The following ARSB variants were observed in gnomAD, a reference collection of about 807,000 sequenced individuals.
ARSB encodes the protein N-acetylgalactosamine-4-sulfatase.
A neutral mutation model predicts 50.9 loss-of-function variants in ARSB; 41 were observed. That is an observed-to-expected ratio of 0.81 (90% CI 0.63 to 1.04). ARSB has a LOEUF of 1.04. ARSB is among the 50% of genes least tolerant of loss of function. ARSB has a pLI of 0.00. For missense variants in ARSB, 672 were observed against 693.3 expected, an observed-to-expected ratio of 0.97 and a Z score of 0.35; for synonymous variants, 269 against 284.8, an observed-to-expected ratio of 0.94 and a Z score of 0.56.
chr5:78,966,829 G>A (rs1348771800), intron 2 of ARSB, among the ~76,000 whole-genome samples: 1 of 151,242 alleles, frequency 6.6e-6, no homozygotes, highest in Non-Finnish European at 1.5e-5. Context: ...TGTACAGGCT[G>A]TTTGCTCCTC....
chr5:78,894,808 T>C (rs1171577011), intron 4 of ARSB, among the ~76,000 whole-genome samples: 24 of 151,772 alleles, frequency 1.6e-4, no homozygotes, highest in Admixed American at 1.6e-3. Flanking sequence ...GCCCCCAGAG[T>C]CCTGGGCAGC....
At chr5:78,856,042 T>C (rs564352013) in intron 5 of ARSB, among the ~76,000 whole-genome samples, 1 of 152,360 alleles carries the variant, frequency 6.6e-6, no homozygotes, top group East Asian at 1.9e-4. Flanking sequence ...TAGGGTCTTC[T>C]AGTCTACCAT....
intron 5 of ARSB, among the ~76,000 whole-genome samples, chr5:78,854,735 C>T (rs945671061): frequency 3.9e-5 from 6 of 152,236 alleles, no homozygotes; most frequent in Non-Finnish European, 8.8e-5. Flanking sequence ...AGATACAGGA[C>T]TCCCTTGACT....
chr5:78,936,184 G>C (rs1435073279), intron 4 of ARSB, among the ~76,000 whole-genome samples: 1 of 142,406 alleles, frequency 7.0e-6, no homozygotes, highest in Non-Finnish European at 1.5e-5. Context: ...GAGTGCAGTG[G>C]CGCTATCTCA....
chr5:78,958,724 G>A (rs1204379902), intron 3 of ARSB, among the ~76,000 whole-genome samples: 1 of 151,954 alleles, frequency 6.6e-6, no homozygotes, highest in Admixed American at 6.6e-5. Context: ...TTCTTCTTCT[G>A]TAAATAACTA....
upstream of ARSB, chr5:78,985,322 C>CT: frequency 5.0e-6 from 6 of 1,200,730 alleles, no homozygotes; most frequent in Non-Finnish European, 6.2e-6. Context: ...AGGAACTGGG[C>CT]TGCCGGGGCC....
At chr5:78,858,822 G>A (rs1184979038) in intron 5 of ARSB, among the ~76,000 whole-genome samples, 4 of 152,120 alleles carry the variant, frequency 2.6e-5, no homozygotes, top group African/African-American at 9.7e-5. Flanking sequence ...ACCAGCTACC[G>A]AGTTCTTACA....
intron 6 of ARSB, among the ~76,000 whole-genome samples, chr5:78,792,209 T>C (rs958067727): frequency 4.6e-5 from 7 of 151,760 alleles, no homozygotes. Context: ...TAAAACCCCA[T>C]CTCTACTAAA....
At chr5:78,849,397 A>G (rs1745630820) in intron 5 of ARSB, among the ~76,000 whole-genome samples, 1 of 151,930 alleles carries the variant, frequency 6.6e-6, no homozygotes, top group South Asian at 2.1e-4. Flanking sequence ...ATTATTTCTG[A>G]GGGCTCTGTT....
chr5:78,793,118 G>T (rs555923717), intron 6 of ARSB, among the ~76,000 whole-genome samples: 217 of 152,220 alleles, frequency 1.4e-3, no homozygotes, highest in African/African-American at 4.8e-3. Context: ...CCTAACATAG[G>T]CTGCCTGAAA....
chr5:78,955,213 G>T, intron 4 of ARSB, 82 bp downstream of exon 4: 1 of 1,394,294 alleles, frequency 7.2e-7, no homozygotes, highest in Non-Finnish European at 1.0e-6. Context: ...AATGCTAACC[G>T]CTCCAATTTG....
At chr5:78,945,994 A>G (rs1301795487) in intron 4 of ARSB, among the ~76,000 whole-genome samples, 1 of 152,208 alleles carries the variant, frequency 6.6e-6, no homozygotes, top group African/African-American at 2.4e-5. Context: ...GTACCTGTCT[A>G]CTTCACTAGA....
chr5:78,940,546 T>C (rs1447052105), intron 4 of ARSB, among the ~76,000 whole-genome samples: 1 of 152,246 alleles, frequency 6.6e-6, no homozygotes, highest in East Asian at 1.9e-4. Context: ...TAGGGAATCC[T>C]TTCCCCATTT....
intron 4 of ARSB, among the ~76,000 whole-genome samples, chr5:78,950,536 A>G (rs971663608): frequency 3.3e-5 from 5 of 152,218 alleles, no homozygotes; most frequent in African/African-American, 9.6e-5. Flanking sequence ...GTGCTGGCAC[A>G]CTGTATCCTG....
intron 4 of ARSB, 24 bp downstream of exon 4, chr5:78,955,271 T>C (rs767095787): frequency 3.4e-5 from 55 of 1,611,556 alleles, no homozygotes; most frequent in Non-Finnish European, 4.3e-5. Flanking sequence ...TGCCAAGAGA[T>C]GATTTTCCTA....
intron 6 of ARSB, among the ~76,000 whole-genome samples, chr5:78,830,138 T>C (rs1391783116): frequency 6.6e-6 from 1 of 152,194 alleles, no homozygotes; most frequent in Non-Finnish European, 1.5e-5. Flanking sequence ...TTGGAAGCTA[T>C]GGCTAAAATT....
intron 6 of ARSB, among the ~76,000 whole-genome samples, chr5:78,812,351 G>A (rs1277701346): frequency 6.6e-6 from 1 of 152,158 alleles, no homozygotes; most frequent in South Asian, 2.1e-4. Flanking sequence ...ACAGTGGGGA[G>A]GGGAGGACAG....
chr5:78,818,727 C>G (rs1297758370), intron 6 of ARSB, among the ~76,000 whole-genome samples: 1 of 148,372 alleles, frequency 6.7e-6, no homozygotes, highest in Non-Finnish European at 1.5e-5. Context: ...ATGCCATTCT[C>G]CTGCCTCAGC....
At chr5:78,800,465 C>T (rs1462619032) in intron 6 of ARSB, among the ~76,000 whole-genome samples, 1 of 152,150 alleles carries the variant, frequency 6.6e-6, no homozygotes, top group Non-Finnish European at 1.5e-5. Context: ...AAAAGCACTC[C>T]CCCTTAACTG....
Sources: gnomAD v4.1 joint callset for allele counts (sites outside exome capture counted in the v4.1 genomes callset) on GRCh38, gnomAD v4.1.1 for gene constraint, MANE v1.5 for transcripts, NCBI Gene and HGNC (gene_info 2026-07-23, HGNC 2026-07-21) for gene names.